PTBP3: variants seen among roughly 807,000 people sequenced by gnomAD.
PTBP3 encodes the protein polypyrimidine tract-binding protein 3.
PTBP3 carries 20 observed loss-of-function variants against 58.7 expected under a neutral mutation model. The observed-to-expected ratio is 0.34, with a 90% CI of 0.24 to 0.50. PTBP3 has a LOEUF of 0.50. Among genes scored for constraint, PTBP3 ranks in the 20% least tolerant of loss-of-function variants. The pLI, the probability that PTBP3 is intolerant of heterozygous loss-of-function variation, is 0.98. For missense variants in PTBP3, 509 were observed against 637.2 expected, an observed-to-expected ratio of 0.80 and a Z score of 2.17; for synonymous variants, 185 against 219.8, an observed-to-expected ratio of 0.84 and a Z score of 1.40.
intron 12 of PTBP3, among the ~76,000 whole-genome samples, chr9:112,225,675 A>C (rs1318473128): frequency 6.6e-6 from 1 of 152,218 alleles, no homozygotes; most frequent in Non-Finnish European, 1.5e-5. Flanking sequence ...AACTTGGAAG[A>C]ATATTAATAT....
chr9:112,271,532 C>G (rs568782906), intron 3 of PTBP3, among the ~76,000 whole-genome samples: 2 of 152,248 alleles, frequency 1.3e-5, no homozygotes, highest in South Asian at 4.2e-4. Context: ...ACCAGCCTAG[C>G]CAATGTGGTG....
chr9:112,238,687 G>C (rs1835527308), intron 7 of PTBP3, among the ~76,000 whole-genome samples: 2 of 136,852 alleles, frequency 1.5e-5, no homozygotes, highest in African/African-American at 5.8e-5. Flanking sequence ...AGAAAAAACA[G>C]AGCAGCAGTT....
chr9:112,319,226 C>T (rs186365708), intron 1 of PTBP3, among the ~76,000 whole-genome samples: 7 of 147,150 alleles, frequency 4.8e-5, no homozygotes, highest in Admixed American at 4.7e-4. Context: ...TCAAAAATTA[C>T]AAAACACTGA....
upstream of PTBP3, among the ~76,000 whole-genome samples, chr9:112,335,298 T>C (rs1191950327): frequency 2.2e-5 from 3 of 139,052 alleles, no homozygotes; most frequent in Non-Finnish European, 4.8e-5. Context: ...TTTGTTTTTT[T>C]GTTTTGAGAC....
intron 6 of PTBP3, among the ~76,000 whole-genome samples, chr9:112,251,981 A>C (rs1478290572): frequency 6.6e-6 from 1 of 152,202 alleles, no homozygotes; most frequent in Non-Finnish European, 1.5e-5. Context: ...TTGACCAAAA[A>C]GTAGAAATGA....
At chr9:112,285,826 C>T (rs1828088761) in intron 2 of PTBP3, among the ~76,000 whole-genome samples, 1 of 152,220 alleles carries the variant, frequency 6.6e-6, no homozygotes, top group Admixed American at 6.5e-5. Flanking sequence ...ATTTGGCCCA[C>T]AGGTAAGAAC....
At chr9:112,245,079 C>T (rs1296196024) in intron 7 of PTBP3, among the ~76,000 whole-genome samples, 4 of 152,124 alleles carry the variant, frequency 2.6e-5, no homozygotes, top group East Asian at 1.9e-4. Flanking sequence ...GAGGCCGAGG[C>T]GGGCAGATCA....
At chr9:112,334,853 T>C (rs966042777), upstream of PTBP3, among the ~76,000 whole-genome samples, 2 of 152,240 alleles carry the variant, frequency 1.3e-5, no homozygotes, top group African/African-American at 4.8e-5. Context: ...TTTATGTATA[T>C]TTTTGACATA....
the PTBP3 span, among the ~76,000 whole-genome samples, chr9:112,376,688 G>A: frequency 6.6e-6 from 1 of 152,136 alleles, no homozygotes; most frequent in Non-Finnish European, 1.5e-5. Flanking sequence ...TAAACGCACA[G>A]GAGAAGGATG....
At chr9:112,268,708 G>A (rs62569159) in intron 3 of PTBP3, among the ~76,000 whole-genome samples, 1,171 of 102,240 alleles carry the variant, frequency 0.011, 8 homozygotes, top group Non-Finnish European at 0.017. Flanking sequence ...GTAAGACACC[G>A]TCTCAAAAAA....
the PTBP3 span, among the ~76,000 whole-genome samples, chr9:112,349,246 C>T: frequency 6.6e-6 from 1 of 152,080 alleles, no homozygotes; most frequent in Admixed American, 6.6e-5. Context: ...CATATGGAGG[C>T]GCTGGGAGGT....
chr9:112,228,569 C>T, intron 10 of PTBP3, 97 bp from the exon 11 acceptor site: 1 of 683,240 alleles, frequency 1.5e-6, no homozygotes, highest in Non-Finnish European at 2.2e-6. Flanking sequence ...TCTTACTCTC[C>T]CTTGGCAATT....
chr9:112,376,070 A>G, the PTBP3 span, among the ~76,000 whole-genome samples: 2 of 151,536 alleles, frequency 1.3e-5, no homozygotes, highest in African/African-American at 4.9e-5. Flanking sequence ...CAGCTTGCAC[A>G]GCAGCCTGGA....
chr9:112,375,018 C>T, the PTBP3 span, among the ~76,000 whole-genome samples: 1 of 152,176 alleles, frequency 6.6e-6, no homozygotes. Flanking sequence ...GTCCCTGTTG[C>T]CCATGAATAA....
At chr9:112,317,027 C>G (rs541857034) in intron 1 of PTBP3, among the ~76,000 whole-genome samples, 1 of 151,282 alleles carries the variant, frequency 6.6e-6, no homozygotes, top group Non-Finnish European at 1.5e-5. Context: ...CGCCTGTAAT[C>G]CCAGCACTTT....
intron 12 of PTBP3, among the ~76,000 whole-genome samples, chr9:112,226,266 T>C (rs1171285831): frequency 6.6e-6 from 1 of 152,166 alleles, no homozygotes; most frequent in African/African-American, 2.4e-5. Context: ...GATTCAAGGT[T>C]TCTCCATGCA....
intron 1 of PTBP3, among the ~76,000 whole-genome samples, chr9:112,311,312 A>G (rs115086245): frequency 0.013 from 1,911 of 152,308 alleles, 36 homozygotes; most frequent in African/African-American, 0.039. Context: ...ATAAACATGT[A>G]CAGACTTTTT....
At chr9:112,284,120 G>A (rs977261132) in intron 2 of PTBP3, among the ~76,000 whole-genome samples, 3 of 103,992 alleles carry the variant, frequency 2.9e-5, no homozygotes, top group African/African-American at 5.4e-5. Flanking sequence ...GTTGGAGCCC[G>A]TACATATAGT....
the PTBP3 span, among the ~76,000 whole-genome samples, chr9:112,347,856 C>T: frequency 6.6e-6 from 1 of 152,134 alleles, no homozygotes. Context: ...ATCTCTAGTC[C>T]TTTAGCTGGT....
Sources: gnomAD v4.1 joint callset for allele counts (sites outside exome capture counted in the v4.1 genomes callset) on GRCh38, gnomAD v4.1.1 for gene constraint, MANE v1.5 for transcripts, NCBI Gene and HGNC (gene_info 2026-07-23, HGNC 2026-07-21) for gene names.